The following ESRRG variants were observed in gnomAD, a reference collection of about 807,000 sequenced individuals.
The protein encoded by ESRRG is estrogen-related receptor gamma.
A neutral mutation model predicts 44.0 loss-of-function variants in ESRRG; 13 were observed. The observed-to-expected ratio is 0.30, with a 90% CI of 0.19 to 0.47. The LOEUF (loss-of-function observed/expected upper bound fraction) is 0.47. Among genes scored for constraint, ESRRG ranks in the 20% least tolerant of loss-of-function variants. The probability of loss-of-function intolerance (pLI) is 1.00; values close to 1 mark genes in which losing one functional copy is unlikely to be tolerated. For missense variants in ESRRG, 395 were observed against 580.6 expected (o/e 0.68, Z 3.29); for synonymous variants, 215 against 214.6 (o/e 1.00, Z -0.02).
At chr1:216,725,533 G>C (rs933405860), upstream of ESRRG, among the ~76,000 whole-genome samples, 6 of 151,948 alleles carry the variant, frequency 3.9e-5, no homozygotes, top group East Asian at 1.2e-3. Flanking sequence ...AAAGAAACAT[G>C]ATTTTTCTAA....
At chr1:216,849,615 A>G (rs1448304049) in intron 2 of ESRRG, among the ~76,000 whole-genome samples, 1 of 152,090 alleles carries the variant, frequency 6.6e-6, no homozygotes. Flanking sequence ...GTCCTACTTC[A>G]TTTCAGCATT....
chr1:216,693,495 C>T (rs1286536287), intron 1 of ESRRG, among the ~76,000 whole-genome samples: 3 of 152,034 alleles, frequency 2.0e-5, no homozygotes, highest in African/African-American at 4.8e-5. Context: ...CTAGGACCCC[C>T]GTCAGATACC....
In ESRRG at chr1:216,732,004, A is replaced by T. The variant is rs192875903; in HGVS notation, c.-13-54513T>A. On this transcript the variant is annotated intron_variant, in intron 2 of 7. Transcript: ENST00000359162. ...CAAAGAATTGAAATTTAACAAAGAA[A>T]TTTTTTTTTAATTTTTATATGTTTA... Among the ~76,000 whole-genome samples, 149 of 152,014 alleles carry T rather than the reference A, an allele frequency of 9.8e-4. 1 individual carries two copies. Among genetic ancestry groups the T allele is most frequent in the African/African-American group, 3.2e-3 (132 of 41,472 alleles).
At chr1:216,730,055 A>G (rs575860591) in intron 2 of ESRRG, among the ~76,000 whole-genome samples, 21 of 152,142 alleles carry the variant, frequency 1.4e-4, no homozygotes, top group Non-Finnish European at 2.9e-4. Context: ...CCCAGGTTAC[A>G]TACCTAGGTA....
intron 5 of ESRRG, among the ~76,000 whole-genome samples, chr1:216,532,161 A>G (rs963376155): frequency 3.3e-5 from 5 of 152,124 alleles, no homozygotes; most frequent in South Asian, 2.1e-4. Context: ...TGATTCTAAT[A>G]CACCTAATTA....
At chr1:216,705,676 C>T (rs1367744685) in intron 1 of ESRRG, among the ~76,000 whole-genome samples, 2 of 152,164 alleles carry the variant, frequency 1.3e-5, no homozygotes, top group Non-Finnish European at 2.9e-5. Flanking sequence ...TTCCAAAGCA[C>T]CCAGGACCAA....
At chr1:216,994,886 C>T (rs779195400) in intron 1 of ESRRG, among the ~76,000 whole-genome samples, 6 of 152,234 alleles carry the variant, frequency 3.9e-5, no homozygotes, top group Non-Finnish European at 8.8e-5. Flanking sequence ...TGCCCGGCCC[C>T]GTCCAACAAC....
intron 2 of ESRRG, among the ~76,000 whole-genome samples, chr1:216,756,952 G>A (rs1012961718): frequency 6.6e-6 from 1 of 151,836 alleles, no homozygotes; most frequent in African/African-American, 2.4e-5. Context: ...GATGTCTAGG[G>A]TACGCACACC....
chr1:216,710,608 G>C (rs372623218), intron 1 of ESRRG, among the ~76,000 whole-genome samples: 1 of 152,154 alleles, frequency 6.6e-6, no homozygotes, highest in African/African-American at 2.4e-5. Flanking sequence ...CTTAGCAAAA[G>C]AATCTGTACT....
intron 3 of ESRRG, among the ~76,000 whole-genome samples, chr1:216,592,451 C>T (rs2057814105): frequency 6.6e-6 from 1 of 151,938 alleles, no homozygotes; most frequent in Non-Finnish European, 1.5e-5. Context: ...ATTTTCCATT[C>T]ATTTTAATGG....
At chr1:217,093,381 G>C (rs2092377894), upstream of ESRRG, among the ~76,000 whole-genome samples, 1 of 151,592 alleles carries the variant, frequency 6.6e-6, no homozygotes, top group African/African-American at 2.4e-5. Flanking sequence ...TTTTTTTGAA[G>C]GATGCGAAAA....
At chr1:216,689,687 A>G (rs766582157) in intron 1 of ESRRG, among the ~76,000 whole-genome samples, 1 of 152,144 alleles carries the variant, frequency 6.6e-6, no homozygotes, top group Non-Finnish European at 1.5e-5. Flanking sequence ...ACACTGAAAC[A>G]AACAAAAAAC....
intron 5 of ESRRG, among the ~76,000 whole-genome samples, chr1:216,525,534 A>T (rs1339382737): frequency 6.6e-6 from 1 of 152,166 alleles, no homozygotes; most frequent in East Asian, 1.9e-4. Flanking sequence ...TAAAGAGGGA[A>T]ATCTAATGGC....
intron 1 of ESRRG, among the ~76,000 whole-genome samples, chr1:216,976,805 T>TA (rs1272024767): frequency 1.3e-5 from 2 of 152,244 alleles, no homozygotes; most frequent in African/African-American, 4.8e-5. Context: ...TTATTACTCT[T>TA]ACGGTTTTCA....
At chr1:216,647,311 C>T (rs1408962241) in intron 3 of ESRRG, among the ~76,000 whole-genome samples, 1 of 152,020 alleles carries the variant, frequency 6.6e-6, no homozygotes, top group Non-Finnish European at 1.5e-5. Flanking sequence ...GTGACACTTA[C>T]CAGCTAAGTA....
At chr1:217,094,419 G>C (rs1326268080), upstream of ESRRG, among the ~76,000 whole-genome samples, 2 of 152,014 alleles carry the variant, frequency 1.3e-5, no homozygotes, top group African/African-American at 4.8e-5. Flanking sequence ...TATAGAATCA[G>C]AATGAGACTT....
intron 2 of ESRRG, among the ~76,000 whole-genome samples, chr1:216,853,316 A>G (rs2095868831): frequency 6.6e-6 from 1 of 152,208 alleles, no homozygotes; most frequent in Non-Finnish European, 1.5e-5. Context: ...ACATGCTGCC[A>G]GTTCGCTCTG....
chr1:217,088,398 C>CTTTTTTTTT lies in ESRRG; in HGVS notation c.-106+1100_-106+1108dup, dbSNP rs71585811. On this transcript the variant is annotated intron_variant, in intron 1 of 7. Transcript: ENST00000359162. Reference sequence around the variant, plus strand: ...TGCTGAGAATTTCTTTTTTTCCTGTCTTTTTTTTTTTTTTTTTTTTTTTTT... The same window carrying CTTTTTTTTT: ...TGCTGAGAATTTCTTTTTTTCCTGTCTTTTTTTTTTTTTTTTTTTTTTTTTTTTTTTTTT... Among the ~76,000 whole-genome samples the CTTTTTTTTT allele has an allele frequency of 3.2e-4, 19 of 59,736 alleles. 1 individual carries two copies. Among genetic ancestry groups the CTTTTTTTTT allele is most frequent in the African/African-American group, 1.2e-3 (16 of 13,782 alleles). 39.2% of individuals were successfully genotyped at this position (59,736 alleles called of 152,430 possible).
intron 1 of ESRRG, among the ~76,000 whole-genome samples, chr1:217,061,987 T>C (rs1261877559): frequency 6.6e-6 from 1 of 152,186 alleles, no homozygotes; most frequent in Non-Finnish European, 1.5e-5. Flanking sequence ...CATTTTAACC[T>C]ATGTTTGCTT....
Sources: gnomAD v4.1 joint callset for allele counts (sites outside exome capture counted in the v4.1 genomes callset) on GRCh38, gnomAD v4.1.1 for gene constraint, MANE v1.5 for transcripts, NCBI Gene and HGNC (gene_info 2026-07-23, HGNC 2026-07-21) for gene names.